The following UBE2E3 variants were observed in gnomAD, a reference collection of about 807,000 sequenced individuals.
UBE2E3 encodes ubiquitin-conjugating enzyme E2 E3.
A neutral mutation model predicts 23.6 loss-of-function variants in UBE2E3; 5 were observed. The observed-to-expected ratio is 0.21, with a 90% CI of 0.11 to 0.44. The LOEUF (loss-of-function observed/expected upper bound fraction) is 0.44. Among genes scored for constraint, UBE2E3 ranks in the 20% least tolerant of loss-of-function variants. The pLI is 0.99. For missense variants in UBE2E3, 81 were observed against 249.8 expected (o/e 0.32, Z 4.55); for synonymous variants, 78 against 87.5 (o/e 0.89, Z 0.60).
chr2:181,038,942 C>T (rs185493455), intron 3 of UBE2E3, among the ~76,000 whole-genome samples: 2 of 152,094 alleles, frequency 1.3e-5, no homozygotes, highest in East Asian at 1.9e-4. Flanking sequence ...GATGTGTAGC[C>T]GTTGAAACTC....
intron 3 of UBE2E3, among the ~76,000 whole-genome samples, chr2:181,029,401 A>T (rs1442285541): frequency 6.6e-6 from 1 of 151,922 alleles, no homozygotes; most frequent in Non-Finnish European, 1.5e-5. Flanking sequence ...AAAAATGTTG[A>T]ATTTTCTTTT....
intron 3 of UBE2E3, among the ~76,000 whole-genome samples, chr2:180,998,248 A>G (rs913393156): frequency 1.3e-5 from 2 of 152,264 alleles, no homozygotes; most frequent in East Asian, 3.9e-4. Flanking sequence ...CCCTCATGCT[A>G]TAAATTGGTG....
intron 4 of UBE2E3, among the ~76,000 whole-genome samples, chr2:181,059,141 ACT>A (rs1172034511): frequency 6.6e-6 from 1 of 151,650 alleles, no homozygotes; most frequent in Non-Finnish European, 1.5e-5. Flanking sequence ...TTTAGTGTTC[ACT>A]CTGTTGCTGA....
chr2:181,055,726 A>AAT (rs1304841107), intron 3 of UBE2E3, among the ~76,000 whole-genome samples: 1 of 151,760 alleles, frequency 6.6e-6, no homozygotes, highest in Non-Finnish European at 1.5e-5. Flanking sequence ...TCCGATGGCA[A>AAT]ATAGCATGAT....
chr2:180,992,779 A>G (rs1684706114), intron 3 of UBE2E3, among the ~76,000 whole-genome samples: 1 of 152,090 alleles, frequency 6.6e-6, no homozygotes, highest in Non-Finnish European at 1.5e-5. Flanking sequence ...CTCCTGCCTC[A>G]GCCTCCCGAG....
intron 3 of UBE2E3, among the ~76,000 whole-genome samples, chr2:181,041,776 T>C (rs1686513399): frequency 6.6e-6 from 1 of 152,150 alleles, no homozygotes; most frequent in Non-Finnish European, 1.5e-5. Context: ...ATAAGAATTA[T>C]ATTTTTGGCC....
chr2:181,000,108 C>T (rs1242719043), intron 3 of UBE2E3, among the ~76,000 whole-genome samples: 1 of 152,024 alleles, frequency 6.6e-6, no homozygotes, highest in African/African-American at 2.4e-5. Flanking sequence ...GCATTTAACC[C>T]AATTTCTAGA....
intron 4 of UBE2E3, among the ~76,000 whole-genome samples, chr2:181,060,318 T>C (rs1288467850): frequency 2.0e-5 from 3 of 151,730 alleles, no homozygotes; most frequent in Non-Finnish European, 3.0e-5. Context: ...ATTTCTTTTC[T>C]TCCTCACTTT....
At chr2:180,991,910 C>A (rs907926110) in intron 3 of UBE2E3, among the ~76,000 whole-genome samples, 4 of 152,126 alleles carry the variant, frequency 2.6e-5, no homozygotes, top group African/African-American at 9.7e-5. Context: ...TGGAATTTTT[C>A]CATTTAATAT....
At chr2:181,024,257 T>G (rs757950891) in intron 3 of UBE2E3, among the ~76,000 whole-genome samples, 18 of 152,114 alleles carry the variant, frequency 1.2e-4, no homozygotes, top group Non-Finnish European at 1.9e-4. Context: ...GATTGACACT[T>G]TATGTGAGAG....
intron 3 of UBE2E3, among the ~76,000 whole-genome samples, chr2:181,036,726 C>CTAA (rs1553538895): frequency 6.6e-6 from 1 of 152,186 alleles, no homozygotes; most frequent in Non-Finnish European, 1.5e-5. Context: ...AAACAATACT[C>CTAA]TAACTTGTTT....
chr2:181,050,386 C>T (rs1381379138), intron 3 of UBE2E3, among the ~76,000 whole-genome samples: 1 of 151,798 alleles, frequency 6.6e-6, no homozygotes, highest in Non-Finnish European at 1.5e-5. Context: ...CATCTTGTCA[C>T]CTGCTGTTTT....
At chr2:181,062,585 T>G (rs936755915) in intron 5 of UBE2E3, among the ~76,000 whole-genome samples, 2 of 8,076 alleles carry the variant, frequency 2.5e-4, no homozygotes, top group Admixed American at 1.5e-3. Context: ...CAAAATTCAT[T>G]TTTTTTTTTA....
chr2:181,062,756 C>T, intron 5 of UBE2E3, 35 bp from the exon 6 acceptor site: 1 of 1,376,730 alleles, frequency 7.3e-7, no homozygotes, highest in Non-Finnish European at 1.0e-6. Context: ...GAAGATACCA[C>T]AAAATAGCTT....
intron 3 of UBE2E3, among the ~76,000 whole-genome samples, chr2:181,052,671 A>G (rs1394689582): frequency 6.6e-6 from 1 of 151,836 alleles, no homozygotes; most frequent in African/African-American, 2.4e-5. Flanking sequence ...TTGTCTAGCA[A>G]TAGCCCAGAA....
In UBE2E3 at chr2:181,026,566, CAG is replaced by C. The variant is rs553599671; in HGVS notation, c.246-31125_246-31124del. On this transcript the variant is annotated intron_variant, in intron 3 of 5. Transcript: ENST00000410062. ...ACATGCTTTCCAAAGGCTGAGGAAA[CAG>C]AAAGTGAGAGAGGGGTGAAAGCTGT... 2.5e-3 allele frequency among the ~76,000 whole-genome samples: 369 copies of C among 149,890 alleles called. 1 individual carries two copies. The highest frequency in any genetic ancestry group is 3.8e-3 in the Non-Finnish European group (258 of 67,360).
At chr2:180,995,124 G>A (rs1261442638) in intron 3 of UBE2E3, among the ~76,000 whole-genome samples, 1 of 151,948 alleles carries the variant, frequency 6.6e-6, no homozygotes, top group Non-Finnish European at 1.5e-5. Flanking sequence ...TGTGTATTGC[G>A]GTAAAAAGTG....
chr2:181,027,931 C>T (rs141702664), intron 3 of UBE2E3, among the ~76,000 whole-genome samples: 6 of 152,050 alleles, frequency 3.9e-5, no homozygotes, highest in Admixed American at 3.3e-4. Flanking sequence ...AACAGTAACA[C>T]AATACTGATG....
At chr2:181,026,904 A>G (rs1450809676) in intron 3 of UBE2E3, among the ~76,000 whole-genome samples, 5 of 151,950 alleles carry the variant, frequency 3.3e-5, no homozygotes, top group African/African-American at 1.2e-4. Context: ...TGTGGTTATT[A>G]TAAATATATG....
Sources: allele counts gnomAD v4.1 joint callset (sites outside exome capture counted in the v4.1 genomes callset), GRCh38; gene constraint gnomAD v4.1.1; transcripts MANE v1.5; gene names NCBI Gene and HGNC (gene_info 2026-07-23, HGNC 2026-07-21).